Variants in PARD3B observed in about 807,000 individuals in gnomAD.
PARD3B encodes the protein par-3 family cell polarity regulator beta, also known as partitioning defective 3 homolog B.
In PARD3B, 103 loss-of-function variants were observed where a neutral mutation model predicts 130.2. The observed-to-expected ratio is 0.79, with a 90% CI of 0.67 to 0.93. The LOEUF (loss-of-function observed/expected upper bound fraction) is 0.93. Ranked by LOEUF, PARD3B falls within the 40% of genes least tolerant of loss-of-function variation. The pLI is 0.00. For missense variants in PARD3B, 1,609 were observed against 1,499.2 expected, an observed-to-expected ratio of 1.07 and a Z score of -1.21; for synonymous variants, 583 against 553.2, an observed-to-expected ratio of 1.05 and a Z score of -0.76.
intron 2 of PARD3B, among the ~76,000 whole-genome samples, chr2:204,923,347 A>C (rs946540634): frequency 2.0e-5 from 3 of 152,120 alleles, no homozygotes; most frequent in Admixed American, 2.0e-4. Flanking sequence ...GAAAAATTTG[A>C]TTATATTGTC....
chr2:205,154,607 T>A (rs1345559380), intron 10 of PARD3B, among the ~76,000 whole-genome samples: 1 of 152,234 alleles, frequency 6.6e-6, no homozygotes, highest in African/African-American at 2.4e-5. Flanking sequence ...ATATGTTTAT[T>A]GCGGCACTAT....
chr2:205,012,445 C>CT (rs1341475221), intron 3 of PARD3B, among the ~76,000 whole-genome samples: 14 of 152,212 alleles, frequency 9.2e-5, no homozygotes, highest in African/African-American at 3.4e-4. Context: ...TCAGCTTATC[C>CT]TGCCCAAAGC....
chr2:205,295,636 A>C (rs925667880), intron 16 of PARD3B, among the ~76,000 whole-genome samples: 1 of 152,306 alleles, frequency 6.6e-6, no homozygotes, highest in African/African-American at 2.4e-5. Flanking sequence ...TTTAATATGG[A>C]TGTATTGGAA....
chr2:204,591,947 G>T (rs578147220), intron 1 of PARD3B, among the ~76,000 whole-genome samples: 154 of 152,294 alleles, frequency 1.0e-3, no homozygotes, highest in Non-Finnish European at 1.9e-3. Context: ...TGCTAAAGTT[G>T]TCTTTTAAAT....
chr2:204,938,965 C>T (rs1444535922), intron 2 of PARD3B, among the ~76,000 whole-genome samples: 1 of 152,140 alleles, frequency 6.6e-6, no homozygotes. Context: ...CAGAAAAATA[C>T]AAAACATCAC....
intron 10 of PARD3B, among the ~76,000 whole-genome samples, chr2:205,139,915 T>C (rs760334804): frequency 6.6e-6 from 1 of 152,242 alleles, no homozygotes; most frequent in Non-Finnish European, 1.5e-5. Context: ...TGCTGTCAGA[T>C]AGCAGTTCAG....
intron 21 of PARD3B, among the ~76,000 whole-genome samples, chr2:205,506,970 A>G (rs1000038253): frequency 1.3e-5 from 2 of 152,150 alleles, no homozygotes; most frequent in Non-Finnish European, 2.9e-5. Flanking sequence ...TTCATCTGTC[A>G]GCTTTGCTAT....
intron 2 of PARD3B, among the ~76,000 whole-genome samples, chr2:204,941,622 T>C (rs1458384659): frequency 2.0e-5 from 3 of 152,180 alleles, no homozygotes; most frequent in Non-Finnish European, 4.4e-5. Context: ...TTGGAGTTCT[T>C]TGTGCTGTAG....
At chr2:205,362,903 A>G (rs1337108826) in intron 18 of PARD3B, among the ~76,000 whole-genome samples, 2 of 152,156 alleles carry the variant, frequency 1.3e-5, no homozygotes, top group Non-Finnish European at 2.9e-5. Context: ...AGAAAATGCT[A>G]TAATTCCCAA....
intron 1 of PARD3B, among the ~76,000 whole-genome samples, chr2:204,602,251 A>C (rs1249101632): frequency 1.3e-5 from 2 of 152,024 alleles, no homozygotes; most frequent in Non-Finnish European, 2.9e-5. Flanking sequence ...TACAAGTATC[A>C]GATGTTTCAT....
chr2:205,365,034 T>C (rs1334351059), intron 18 of PARD3B, among the ~76,000 whole-genome samples: 1 of 151,810 alleles, frequency 6.6e-6, no homozygotes. Flanking sequence ...ACCCCGTCTC[T>C]ACTAAAAATA....
chr2:205,020,053 ATATTCACTC>A (rs1559360849), intron 3 of PARD3B, among the ~76,000 whole-genome samples: 2 of 152,156 alleles, frequency 1.3e-5, no homozygotes, highest in East Asian at 3.9e-4. Flanking sequence ...TGGATTGGGG[ATATTCACTC>A]TTACTCCCCA....
In PARD3B at chr2:204,653,557, G is replaced by A. The variant is rs899286142; in HGVS notation, c.121-32624G>A. Among the ~76,000 whole-genome samples, 67 of 150,814 alleles carry A rather than the reference G, an allele frequency of 4.4e-4. 2 individuals are homozygous for A. The highest frequency in any genetic ancestry group is 1.5e-3 in the African/African-American group (61 of 40,328). On this transcript the variant is annotated intron_variant, in intron 1 of 22. Transcript: ENST00000406610. ...TGTAATCCCAGCACTTTGGGAGGCC[G>A]AGGTGGGTGGATCACCTGAGGTCAG...
At chr2:204,999,423 C>A (rs946032578) in intron 3 of PARD3B, among the ~76,000 whole-genome samples, 1 of 152,048 alleles carries the variant, frequency 6.6e-6, no homozygotes, top group South Asian at 2.1e-4. Flanking sequence ...TTCATGAAAC[C>A]TTTTTCTATG....
chr2:204,955,500 A>T (rs1055872651), intron 2 of PARD3B, among the ~76,000 whole-genome samples: 4 of 152,240 alleles, frequency 2.6e-5, no homozygotes, highest in African/African-American at 9.6e-5. Flanking sequence ...CAAAGTGAAG[A>T]TACCCATATG....
chr2:205,254,017 T>C (rs2039965744), intron 16 of PARD3B, among the ~76,000 whole-genome samples: 1 of 138,452 alleles, frequency 7.2e-6, no homozygotes, highest in Non-Finnish European at 1.5e-5. Flanking sequence ...GAGTCTAGGA[T>C]AGAGGGGAGA....
chr2:205,483,726 G>C (rs1159794838), intron 20 of PARD3B, among the ~76,000 whole-genome samples: 1 of 151,608 alleles, frequency 6.6e-6, no homozygotes, highest in Non-Finnish European at 1.5e-5. Flanking sequence ...ATATACAATA[G>C]GTATTCAGTT....
Position 204,673,540 on chromosome 2 carries a change from G to A in PARD3B, c.121-12641G>A, listed in dbSNP as rs183812763. On this transcript the variant is annotated intron_variant, in intron 1 of 22. Transcript: ENST00000406610. This position sits in a 1 kb window ranked among gnomAD's most constrained non-coding sequence, Gnocchi z 4.7. ...GACTTATTTTACAAATGACTGCAAT[G>A]AGACTTGCCCTGGGGCACAGCCATT... is the stretch of plus-strand genomic sequence containing the variant. Among the ~76,000 whole-genome samples the A allele has an allele frequency of 3.3e-5, 5 of 152,304 alleles. No individual in the cohort carries two copies. In the East Asian group the frequency reaches 9.7e-4, roughly 29 times the overall value.
At chr2:204,970,232 T>A (rs1045139305) in intron 3 of PARD3B, among the ~76,000 whole-genome samples, 1 of 152,164 alleles carries the variant, frequency 6.6e-6, no homozygotes. Context: ...CCCAACCCAA[T>A]CTTTGTCCCT....
Sources: allele counts gnomAD v4.1 joint callset (sites outside exome capture counted in the v4.1 genomes callset), GRCh38; gene constraint gnomAD v4.1.1; non-coding constraint Gnocchi (gnomAD v3.1); transcripts MANE v1.5; gene names NCBI Gene and HGNC (gene_info 2026-07-23, HGNC 2026-07-21).